Variants in LRP1B observed in about 807,000 individuals in gnomAD.
LRP1B encodes low-density lipoprotein receptor-related protein 1B.
A neutral mutation model predicts 556.6 loss-of-function variants in LRP1B; 217 were observed. The observed-to-expected ratio is 0.39, with a 90% CI of 0.35 to 0.44. The LOEUF is 0.44. LRP1B is among the 20% of genes least tolerant of loss of function. LRP1B has a pLI of 1.00. For synonymous variants in LRP1B, 2,047 were observed against 1,865.8 expected, an observed-to-expected ratio of 1.10 and a Z score of -2.50; for missense variants, 5,053 against 5,620.8, an observed-to-expected ratio of 0.90 and a Z score of 3.23.
rs548803579 is a variant in LRP1B at position 140,778,446 on chromosome 2, C to G, written c.5360-2208G>C. The stretch of plus-strand genomic sequence containing the variant: ...CCGTAAGTCTGACAGCTTCCTAATA[C>G]CTAAAAATTTTTCTAATGAGATTTC... On this transcript the variant is annotated intron_variant, in intron 32 of 90. Coordinates refer to ENST00000389484, the MANE Select transcript of LRP1B (RefSeq NM_018557.3). Among the ~76,000 whole-genome samples, 18 of 152,172 alleles carry G rather than the reference C, an allele frequency of 1.2e-4. No homozygotes were observed. The South Asian group carries it at 3.1e-3, about 26-fold the overall frequency.
intron 43 of LRP1B, among the ~76,000 whole-genome samples, chr2:140,578,740 TA>T (rs769414684): frequency 3.6e-4 from 54 of 151,044 alleles, no homozygotes; most frequent in African/African-American, 8.0e-4. Context: ...TAAAGTATAA[TA>T]AAAAAAAATA....
intron 2 of LRP1B, among the ~76,000 whole-genome samples, chr2:141,673,880 A>T (rs1293437863): frequency 2.6e-5 from 4 of 151,970 alleles, no homozygotes; most frequent in African/African-American, 9.7e-5. Context: ...GTATATATTT[A>T]TGGGGTATAT....
intron 18 of LRP1B, among the ~76,000 whole-genome samples, chr2:140,955,180 CG>C (rs1695836565): frequency 6.6e-6 from 1 of 151,726 alleles, no homozygotes; most frequent in African/African-American, 2.4e-5. Context: ...GAATAACTCC[CG>C]GGGTTTTCAC....
At chr2:140,843,913 G>A (rs1230530842) in intron 29 of LRP1B, among the ~76,000 whole-genome samples, 1 of 152,040 alleles carries the variant, frequency 6.6e-6, no homozygotes, top group Non-Finnish European at 1.5e-5. Flanking sequence ...ATACAACATT[G>A]CCTTCAACGT....
intron 41 of LRP1B, among the ~76,000 whole-genome samples, chr2:140,615,655 T>TAGCTATTAGAGTGA (rs1683228769): frequency 6.6e-6 from 1 of 152,080 alleles, no homozygotes; most frequent in African/African-American, 2.4e-5. Flanking sequence ...GTGTTTCTCT[T>TAGCTATTAGAGTGA]AGCTATTAGA....
At chr2:140,769,807 T>G (rs1411285588) in intron 34 of LRP1B, among the ~76,000 whole-genome samples, 1 of 134,618 alleles carries the variant, frequency 7.4e-6, no homozygotes, top group African/African-American at 2.7e-5. Context: ...ACTGTATCAC[T>G]GATACTTTTA....
chr2:140,249,450 C>T (rs1681309698), intron 86 of LRP1B, among the ~76,000 whole-genome samples: 1 of 151,540 alleles, frequency 6.6e-6, no homozygotes. Flanking sequence ...AAGTCACCTG[C>T]TAGTGGTCAT....
Position 141,810,396 on chromosome 2 carries a change from G to T in LRP1B, c.88C>A (p.Gln30Lys), listed in dbSNP as rs552463063. The T allele has an allele frequency of 2.5e-6, 4 of 1,612,738 alleles. No individual in the cohort carries two copies. The African/African-American group carries it at 4.0e-5, about 16-fold the overall frequency. The change falls in exon 2 of 91, where the codon CAG (glutamine) becomes AAG (lysine). Residue 30 changes from glutamine to lysine, a missense_variant. This residue lies in a region of LRP1B where 3,619 missense variants were observed against 3,931.9 expected (regional missense o/e 0.92). Coordinates refer to ENST00000389484, the MANE Select transcript of LRP1B (RefSeq NM_018557.3). ...VLTVGADRDQ[Q>K]LCDPGEFLCH... ...AGAAATTCACCAGGATCACACAACT[G>T]CTGATCTGAAAATGAAAATGTTTCG...
chr2:140,852,901 C>A (rs192470094), intron 27 of LRP1B, among the ~76,000 whole-genome samples: 4 of 151,676 alleles, frequency 2.6e-5, no homozygotes, highest in Non-Finnish European at 5.9e-5. Context: ...TAGAACCTAT[C>A]TAGTAGAAAA....
chr2:141,530,649 G>T (rs1390771198), intron 2 of LRP1B, among the ~76,000 whole-genome samples: 8 of 152,004 alleles, frequency 5.3e-5, no homozygotes, highest in Admixed American at 5.2e-4. Context: ...ATAACATAGA[G>T]ATTAAGAGGG....
intron 3 of LRP1B, among the ~76,000 whole-genome samples, chr2:141,445,683 C>G (rs2105012435): frequency 6.6e-6 from 1 of 152,306 alleles, no homozygotes. Flanking sequence ...GTTATTTACT[C>G]AGCAGTCATG....
At chr2:142,059,084 T>G (rs979216435) in intron 1 of LRP1B, among the ~76,000 whole-genome samples, 2 of 152,080 alleles carry the variant, frequency 1.3e-5, no homozygotes, top group African/African-American at 4.8e-5. Flanking sequence ...TTTTTGAAAT[T>G]GGGTTATTAA....
intron 11 of LRP1B, among the ~76,000 whole-genome samples, chr2:141,026,164 A>G (rs1286454216): frequency 6.6e-6 from 1 of 152,104 alleles, no homozygotes; most frequent in Non-Finnish European, 1.5e-5. Flanking sequence ...TGAAGTTTAT[A>G]ATTTATAAAA....
At chr2:141,802,003 A>G (rs1014201758) in intron 2 of LRP1B, among the ~76,000 whole-genome samples, 3 of 152,130 alleles carry the variant, frequency 2.0e-5, no homozygotes, top group Non-Finnish European at 2.9e-5. Flanking sequence ...TCTGGGGGCC[A>G]TAAGTCCAAG....
At chr2:140,501,911 A>T in intron 54 of LRP1B, 37 bp from the exon 55 acceptor site, 1 of 1,491,248 alleles carries the variant, frequency 6.7e-7, no homozygotes, top group Non-Finnish European at 9.1e-7. Context: ...CATAAAGGGC[A>T]TGCCATTGTT....
chr2:141,415,750 T>A, intron 3 of LRP1B, among the ~76,000 whole-genome samples: 1 of 152,148 alleles, frequency 6.6e-6, no homozygotes, highest in Admixed American at 6.5e-5. Context: ...TTTTAAATAT[T>A]ACTTGTAAAT....
intron 35 of LRP1B, among the ~76,000 whole-genome samples, chr2:140,724,390 T>G (rs1286323392): frequency 6.6e-6 from 1 of 152,296 alleles, no homozygotes; most frequent in East Asian, 1.9e-4. Context: ...AATTTAAGGA[T>G]AGTTCCAATT....
chr2:141,338,654 C>G (rs188215706), intron 3 of LRP1B, among the ~76,000 whole-genome samples: 56 of 152,274 alleles, frequency 3.7e-4, no homozygotes, highest in African/African-American at 1.3e-3. Flanking sequence ...AGAGTCAGAA[C>G]TAGTCACTTT....
intron 1 of LRP1B, among the ~76,000 whole-genome samples, chr2:141,936,211 T>C (rs1388733390): frequency 2.0e-5 from 3 of 152,134 alleles, no homozygotes; most frequent in Non-Finnish European, 4.4e-5. Flanking sequence ...TTCAGAATAT[T>C]TTACCTAGCA....
Sources: allele counts gnomAD v4.1 joint callset (sites outside exome capture counted in the v4.1 genomes callset), GRCh38; gene constraint gnomAD v4.1.1; regional missense constraint gnomAD v4.1.1; transcripts MANE v1.5; gene names NCBI Gene and HGNC (gene_info 2026-07-23, HGNC 2026-07-21).